LPP: variants seen among roughly 807,000 people sequenced by gnomAD.
LPP encodes the protein lipoma-preferred partner.
LPP carries 38 observed loss-of-function variants against 60.4 expected under a neutral mutation model. The observed-to-expected ratio is 0.63, with a 90% CI of 0.49 to 0.83. The LOEUF is 0.83. LPP is among the 40% of genes least tolerant of loss of function. The probability of loss-of-function intolerance (pLI) is 0.00; values close to 1 mark genes in which losing one functional copy is unlikely to be tolerated. For synonymous variants in LPP, 328 were observed against 290.8 expected (o/e 1.13, Z -1.30); for missense variants, 902 against 783.6 (o/e 1.15, Z -1.80).
At chr3:188,463,396 A>G (rs577316426) in intron 4 of LPP, among the ~76,000 whole-genome samples, 7 of 151,978 alleles carry the variant, frequency 4.6e-5, no homozygotes, top group Admixed American at 2.0e-4. Flanking sequence ...GGGTCCTGCA[A>G]TGTTGCCCAG....
At chr3:188,628,738 C>T in intron 7 of LPP, among the ~76,000 whole-genome samples, 1 of 152,102 alleles carries the variant, frequency 6.6e-6, no homozygotes, top group East Asian at 1.9e-4. Flanking sequence ...GGGACTCCTC[C>T]CTCAATCATT....
At chr3:188,576,968 C>T (rs561596648) in intron 6 of LPP, among the ~76,000 whole-genome samples, 9 of 152,274 alleles carry the variant, frequency 5.9e-5, no homozygotes, top group East Asian at 5.8e-4. Context: ...CATTAATCAG[C>T]GTGGTTATCT....
intron 7 of LPP, among the ~76,000 whole-genome samples, chr3:188,648,220 G>A (rs1050284434): frequency 6.6e-6 from 1 of 152,026 alleles, no homozygotes; most frequent in African/African-American, 2.4e-5. Context: ...TAGAAAAAAC[G>A]AGCCATCATG....
chr3:188,609,066 G>C lies in LPP; in HGVS notation c.430-95G>C, dbSNP rs900454987. On this transcript the variant is annotated intron_variant, in intron 6 of 11. Coordinates refer to ENST00000617246, the MANE Select transcript of LPP (RefSeq NM_001375462.1). The surrounding 1 kb of genome is among the most constrained non-coding windows in gnomAD (Gnocchi z 6.9). ...TCTACATAGTAATAAATAATAATTA[G>C]CAGTTATTAATATTTTTCATTTATT... 1 of 871,932 alleles carries C rather than the reference G, an allele frequency of 1.1e-6. No individual in the cohort carries two copies. The highest frequency in any genetic ancestry group is 1.7e-5 in the African/African-American group (1 of 57,922). 54.0% of individuals were successfully genotyped at this position (871,932 alleles called of 1,614,324 possible). A position where few individuals can be genotyped will look rare whatever the true frequency, so the allele number is the denominator to read the frequency against.
At chr3:188,782,739 G>GAA (rs66466869) in intron 9 of LPP, among the ~76,000 whole-genome samples, 8 of 142,314 alleles carry the variant, frequency 5.6e-5, no homozygotes, top group South Asian at 2.3e-4. Flanking sequence ...ATGTTGCTGG[G>GAA]AAAAAAAAAA....
chr3:188,438,079 T>C lies in LPP; in HGVS notation c.193+31766T>C, dbSNP rs562869156. On this transcript the variant is annotated intron_variant, in intron 4 of 11. Transcript: ENST00000617246. ...TAAATAGGCAATGGAGATAAATCAG[T>C]TGTGGCCCAACTAGACTGCCTGGAT... Among the ~76,000 whole-genome samples, 158 of 152,188 alleles carry C rather than the reference T, an allele frequency of 1.0e-3. No individual in the cohort carries two copies. The Middle Eastern group carries it at 0.014, about 13-fold the overall frequency.
intron 2 of LPP, among the ~76,000 whole-genome samples, chr3:188,337,676 T>C (rs922415708): frequency 6.6e-6 from 1 of 152,226 alleles, no homozygotes; most frequent in African/African-American, 2.4e-5. Flanking sequence ...TTTGTTTTTT[T>C]CTATATAGCA....
chr3:188,339,091 G>C (rs1013413223), intron 2 of LPP, among the ~76,000 whole-genome samples: 1 of 152,086 alleles, frequency 6.6e-6, no homozygotes, highest in Non-Finnish European at 1.5e-5. Flanking sequence ...CTGAGGGTGA[G>C]CATATTTTTG....
intron 5 of LPP, among the ~76,000 whole-genome samples, chr3:188,493,833 T>C (rs1809127938): frequency 1.3e-5 from 2 of 152,172 alleles, no homozygotes; most frequent in Non-Finnish European, 2.9e-5. Flanking sequence ...GGAATTGGAT[T>C]TCTTCTCTAT....
chr3:188,282,584 A>G (rs1314581430), intron 2 of LPP, among the ~76,000 whole-genome samples: 3 of 152,092 alleles, frequency 2.0e-5, no homozygotes, highest in Non-Finnish European at 4.4e-5. Flanking sequence ...CTCCTGGCAT[A>G]AGTGACATCC....
intron 7 of LPP, among the ~76,000 whole-genome samples, chr3:188,636,770 A>G (rs1377155189): frequency 6.6e-6 from 1 of 151,888 alleles, no homozygotes; most frequent in African/African-American, 2.4e-5. Context: ...GAGCAGCCTA[A>G]CTGGGAGGCA....
At chr3:188,640,442 G>A (rs1313911624) in intron 7 of LPP, among the ~76,000 whole-genome samples, 6 of 148,922 alleles carry the variant, frequency 4.0e-5, no homozygotes, top group Admixed American at 6.7e-5. Context: ...TGGGTGCAGC[G>A]CACCAGCATG....
chr3:188,509,532 C>T (rs189847664), intron 5 of LPP, among the ~76,000 whole-genome samples: 2 of 151,958 alleles, frequency 1.3e-5, no homozygotes, highest in East Asian at 3.9e-4. Context: ...TAAGTGGACC[C>T]GTCCCATAAA....
intron 1 of LPP, among the ~76,000 whole-genome samples, chr3:188,177,618 TA>T (rs1723456266): frequency 1.3e-5 from 2 of 152,084 alleles, no homozygotes; most frequent in African/African-American, 4.8e-5. Context: ...GATTAGGTCT[TA>T]CGTGAGCCTC....
intron 2 of LPP, among the ~76,000 whole-genome samples, chr3:188,278,082 C>T (rs1290222638): frequency 2.0e-5 from 3 of 152,204 alleles, no homozygotes; most frequent in South Asian, 2.1e-4. Flanking sequence ...TTATTACACA[C>T]GTACTATGTT....
intron 1 of LPP, among the ~76,000 whole-genome samples, chr3:188,184,961 A>C (rs1577168812): frequency 6.6e-6 from 1 of 152,006 alleles, no homozygotes; most frequent in Admixed American, 6.5e-5. Flanking sequence ...AAGAAGAGAG[A>C]GCTATGAAAC....
chr3:188,542,480 TA>T (rs979833511), intron 6 of LPP, among the ~76,000 whole-genome samples: 44 of 152,316 alleles, frequency 2.9e-4, no homozygotes, highest in African/African-American at 1.0e-3. Context: ...AGAATCCTTT[TA>T]TTTCCCTCCT....
intron 3 of LPP, among the ~76,000 whole-genome samples, chr3:188,399,814 T>C (rs1781821623): frequency 6.6e-6 from 1 of 152,238 alleles, no homozygotes. Context: ...GTGATCTATA[T>C]AAATCTTTTT....
At chr3:188,772,827 C>G (rs9861207) in intron 9 of LPP, among the ~76,000 whole-genome samples, 53,122 of 151,616 alleles carry the variant, frequency 0.35, 9,681 homozygotes, top group Middle Eastern at 0.44. Context: ...TTGGGGGGAG[C>G]CTGTGTCACT....
Sources: allele counts gnomAD v4.1 joint callset (sites outside exome capture counted in the v4.1 genomes callset), GRCh38; gene constraint gnomAD v4.1.1; non-coding constraint Gnocchi (gnomAD v3.1); transcripts MANE v1.5; gene names NCBI Gene and HGNC (gene_info 2026-07-23, HGNC 2026-07-21).